The following ROBO1 variants were observed in gnomAD, a reference collection of about 807,000 sequenced individuals.
The protein encoded by ROBO1 is roundabout guidance receptor 1, also known as roundabout homolog 1.
ROBO1 carries 149 observed loss-of-function variants against 195.9 expected under a neutral mutation model. The observed-to-expected ratio is 0.76, with a 90% CI of 0.67 to 0.87. The LOEUF is 0.87. ROBO1 is among the 40% of genes least tolerant of loss of function. ROBO1 has a pLI of 0.00. For missense variants in ROBO1, 1,933 were observed against 2,068.3 expected, an observed-to-expected ratio of 0.93 and a Z score of 1.27; for synonymous variants, 816 against 733.2, an observed-to-expected ratio of 1.11 and a Z score of -1.82.
At chr3:79,241,482 G>A (rs181635357) in intron 2 of ROBO1, among the ~76,000 whole-genome samples, 1 of 151,972 alleles carries the variant, frequency 6.6e-6, no homozygotes, top group African/African-American at 2.4e-5. Context: ...GTAAAACCAG[G>A]ATAAGTCACC....
chr3:79,540,524 C>G (rs1225910106), intron 2 of ROBO1, among the ~76,000 whole-genome samples: 3 of 152,048 alleles, frequency 2.0e-5, no homozygotes, highest in Admixed American at 2.0e-4. Context: ...ACTCCACTCC[C>G]CATCACGAAT....
chr3:78,865,205 A>T lies in ROBO1; in HGVS notation c.499+73396T>A, dbSNP rs374320450. 9.8e-5 allele frequency among the ~76,000 whole-genome samples: 15 copies of T among 152,314 alleles called. No individual in the cohort carries two copies. The South Asian group carries it at 3.1e-3, about 32-fold the overall frequency. ...CCTTTGAGCAGTACTTAGGGGAAAA[A>T]CAAATAACTGGAACAAAATGTATAA... On this transcript the variant is annotated intron_variant, in intron 4 of 30. Transcript: ENST00000464233.
chr3:79,137,849 A>G (rs1042879978), intron 2 of ROBO1, among the ~76,000 whole-genome samples: 24 of 152,112 alleles, frequency 1.6e-4, no homozygotes, highest in African/African-American at 5.8e-4. Context: ...GCATACAAAC[A>G]ATGGGACACC....
intron 2 of ROBO1, among the ~76,000 whole-genome samples, chr3:79,286,673 C>T (rs2031904835): frequency 6.6e-6 from 1 of 152,062 alleles, no homozygotes; most frequent in Admixed American, 6.6e-5. Context: ...TTTTAAATTC[C>T]TGAGAGGCAT....
intron 3 of ROBO1, among the ~76,000 whole-genome samples, chr3:79,060,959 T>A (rs573522732): frequency 6.6e-5 from 10 of 152,242 alleles, no homozygotes; most frequent in African/African-American, 2.4e-4. Flanking sequence ...ATGCCCTCTC[T>A]CACCACTCCT....
At chr3:79,589,739 T>C (rs1943938283) in intron 2 of ROBO1, 85 bp downstream of exon 2, 1 of 1,100,810 alleles carries the variant, frequency 9.1e-7, no homozygotes, top group Non-Finnish European at 1.4e-6. Flanking sequence ...ACAAACTTGA[T>C]TTGCAACACA....
chr3:79,246,655 A>T (rs2082628856), intron 2 of ROBO1, among the ~76,000 whole-genome samples: 1 of 151,904 alleles, frequency 6.6e-6, no homozygotes, highest in Admixed American at 6.6e-5. Context: ...TATTTGTGTG[A>T]CCTTGAGCTA....
chr3:79,438,331 C>T (rs1264403917), intron 2 of ROBO1, among the ~76,000 whole-genome samples: 1 of 151,848 alleles, frequency 6.6e-6, no homozygotes, highest in Non-Finnish European at 1.5e-5. Flanking sequence ...TATATTAACA[C>T]TAACATCATG....
At chr3:79,450,614 C>T (rs1268271134) in intron 2 of ROBO1, among the ~76,000 whole-genome samples, 1 of 151,974 alleles carries the variant, frequency 6.6e-6, no homozygotes. Flanking sequence ...TTATTTGACA[C>T]TGAGATTTTC....
intron 1 of ROBO1, among the ~76,000 whole-genome samples, chr3:79,700,018 G>A (rs564789227): frequency 4.0e-5 from 6 of 151,560 alleles, no homozygotes; most frequent in African/African-American, 1.4e-4. Context: ...CCCAACATCT[G>A]TTGTTGCCAT....
intron 2 of ROBO1, among the ~76,000 whole-genome samples, chr3:79,195,194 G>A (rs2081612287): frequency 1.3e-5 from 2 of 151,624 alleles, no homozygotes; most frequent in South Asian, 4.2e-4. Flanking sequence ...TAAGAAAAAT[G>A]GGAATAATAA....
In ROBO1 at chr3:79,249,301, T is replaced by C. The variant is rs528369886; in HGVS notation, c.89-123762A>G. On this transcript the variant is annotated intron_variant, in intron 2 of 30. Coordinates refer to ENST00000464233, the MANE Select transcript of ROBO1 (RefSeq NM_002941.4). Reference sequence around the variant, plus strand: ...TCACCAGCACGAAGAGGACTACGTTTCCTGACTTGTCTGAGAAAGACAGAG... The same window carrying C: ...TCACCAGCACGAAGAGGACTACGTTCCCTGACTTGTCTGAGAAAGACAGAG... Among the ~76,000 whole-genome samples, 16 of 152,286 alleles carry C rather than the reference T, an allele frequency of 1.1e-4. No individual in the cohort carries two copies. The South Asian group carries it at 2.9e-3, about 28-fold the overall frequency.
At chr3:79,052,932 C>A (rs1001352016) in intron 3 of ROBO1, among the ~76,000 whole-genome samples, 3 of 152,158 alleles carry the variant, frequency 2.0e-5, no homozygotes, top group African/African-American at 7.2e-5. Context: ...TCATGCTTAT[C>A]TCTGCTATAT....
intron 1 of ROBO1, among the ~76,000 whole-genome samples, chr3:79,686,781 A>C (rs1947128086): frequency 6.6e-6 from 1 of 152,172 alleles, no homozygotes; most frequent in South Asian, 2.1e-4. Context: ...TCATGAAAAT[A>C]GCCATACTGC....
chr3:79,502,353 A>G (rs1274083894), intron 2 of ROBO1, among the ~76,000 whole-genome samples: 1 of 152,130 alleles, frequency 6.6e-6, no homozygotes, highest in African/African-American at 2.4e-5. Flanking sequence ...CTTGGAGCAG[A>G]TGGCTGTCCC....
intron 5 of ROBO1, among the ~76,000 whole-genome samples, chr3:78,744,786 C>T (rs1043368280): frequency 5.3e-5 from 8 of 152,116 alleles, no homozygotes; most frequent in Admixed American, 2.0e-4. Context: ...AATTCATCTA[C>T]CTCTTCACTA....
intron 1 of ROBO1, among the ~76,000 whole-genome samples, chr3:79,653,093 T>A (rs1946059554): frequency 1.3e-5 from 2 of 151,850 alleles, no homozygotes; most frequent in South Asian, 4.1e-4. Context: ...ATTAATAATT[T>A]TGATTAATGA....
chr3:79,007,399 G>A (rs1309402260), intron 3 of ROBO1, among the ~76,000 whole-genome samples: 1 of 152,124 alleles, frequency 6.6e-6, no homozygotes, highest in Non-Finnish European at 1.5e-5. Context: ...ACCACGGAGA[G>A]GGCAGAAGGA....
At chr3:78,961,228 CAATTGTA>C (rs1267712744) in intron 3 of ROBO1, among the ~76,000 whole-genome samples, 1 of 151,982 alleles carries the variant, frequency 6.6e-6, no homozygotes, top group African/African-American at 2.4e-5. Context: ...CCAAATACAA[CAATTGTA>C]AATTTTTCAT....
Sources: allele counts gnomAD v4.1 joint callset (sites outside exome capture counted in the v4.1 genomes callset), GRCh38; gene constraint gnomAD v4.1.1; transcripts MANE v1.5; gene names NCBI Gene and HGNC (gene_info 2026-07-23, HGNC 2026-07-21).